Variants in LOC400499 observed in about 807,000 individuals in gnomAD.
the LOC400499 span, among the ~76,000 whole-genome samples, chr16:11,436,296 C>T: frequency 2.6e-5 from 4 of 152,144 alleles, no homozygotes; most frequent in African/African-American, 7.2e-5. Flanking sequence ...GAGTGCCCCA[C>T]GGGAACCAGA....
chr16:11,429,178 G>A, the LOC400499 span, among the ~76,000 whole-genome samples: 21 of 152,126 alleles, frequency 1.4e-4, no homozygotes, highest in Admixed American at 1.4e-3. Context: ...TGGTTGGCCT[G>A]GGAGCGGATT....
At chr16:11,455,753 A>AG in the LOC400499 span, among the ~76,000 whole-genome samples, 1 of 151,134 alleles carries the variant, frequency 6.6e-6, no homozygotes, top group Non-Finnish European at 1.5e-5. Flanking sequence ...AAAAAAAAAA[A>AG]AAAGAAAAAG....
chr16:11,399,156 C>A, the LOC400499 span: 1 of 960,692 alleles, frequency 1.0e-6, no homozygotes, highest in Non-Finnish European at 1.2e-6. Flanking sequence ...CCTGATGCCT[C>A]GGGGAACCGG....
the LOC400499 span, among the ~76,000 whole-genome samples, chr16:11,491,128 T>C: frequency 6.6e-6 from 1 of 152,314 alleles, no homozygotes; most frequent in South Asian, 2.1e-4. Context: ...TCACAAAGGT[T>C]TACTTACTTG....
the LOC400499 span, among the ~76,000 whole-genome samples, chr16:11,431,543 T>C: frequency 1.8e-4 from 28 of 152,108 alleles, no homozygotes; most frequent in Non-Finnish European, 1.2e-4. Flanking sequence ...GTAGCTGGGA[T>C]TACAGGGACC....
chr16:11,492,234 T>C, the LOC400499 span, among the ~76,000 whole-genome samples: 12 of 151,898 alleles, frequency 7.9e-5, no homozygotes, highest in Non-Finnish European at 1.8e-4. Flanking sequence ...TCAATACCTA[T>C]TGGCTTCCTC....
the LOC400499 span, chr16:11,446,905 G>A: frequency 0.041 from 63,331 of 1,534,258 alleles, 1,554 homozygotes; most frequent in Non-Finnish European, 0.049. Context: ...CAGGTGCAAC[G>A]GGTGCCTGGT....
the LOC400499 span, among the ~76,000 whole-genome samples, chr16:11,373,975 T>C: frequency 6.6e-6 from 1 of 152,194 alleles, no homozygotes; most frequent in African/African-American, 2.4e-5. Context: ...ATATGGGGTT[T>C]AGGTGGCCTT....
the LOC400499 span, among the ~76,000 whole-genome samples, chr16:11,492,780 G>A: frequency 1.3e-4 from 13 of 100,974 alleles, no homozygotes; most frequent in East Asian, 5.3e-4. Flanking sequence ...GTGAGACTCC[G>A]TCTCAAAAAA....
the LOC400499 span, among the ~76,000 whole-genome samples, chr16:11,468,436 G>T: frequency 6.6e-6 from 1 of 152,162 alleles, no homozygotes; most frequent in East Asian, 1.9e-4. Flanking sequence ...CAATCCTCTT[G>T]CCTCAGTCTC....
the LOC400499 span, chr16:11,447,806 T>C: frequency 7.8e-7 from 1 of 1,286,230 alleles, no homozygotes; most frequent in African/African-American, 1.5e-5. Flanking sequence ...TTAGGTTCCA[T>C]CTGGGCCCCA....
chr16:11,460,690 G>T, the LOC400499 span: 1 of 1,448,470 alleles, frequency 6.9e-7, no homozygotes, highest in South Asian at 1.4e-5. Context: ...GGAGGGCCCG[G>T]CCCAGCCTGG....
chr16:11,491,215 T>A, the LOC400499 span, among the ~76,000 whole-genome samples: 365 of 152,350 alleles, frequency 2.4e-3, 3 homozygotes, highest in Non-Finnish European at 3.1e-3. Context: ...CTCACCCCAC[T>A]GTGCATTATG....
the LOC400499 span, chr16:11,372,582 C>T: frequency 2.4e-5 from 5 of 207,578 alleles, no homozygotes; most frequent in Admixed American, 6.5e-5. Flanking sequence ...TGCTTCCGTG[C>T]GTTTGCAGCA....
chr16:11,509,283 A>C, the LOC400499 span, among the ~76,000 whole-genome samples: 1 of 151,208 alleles, frequency 6.6e-6, no homozygotes, highest in African/African-American at 2.4e-5. Context: ...ACGCCCGGCT[A>C]ATTTTTTTGT....
At chr16:11,487,124 T>A in the LOC400499 span, 1 of 396,584 alleles carries the variant, frequency 2.5e-6, no homozygotes, top group East Asian at 3.6e-5. Context: ...TATGGGCAGG[T>A]GGGTGACTAG....
At chr16:11,448,017 A>C in the LOC400499 span, 1 of 1,536,002 alleles carries the variant, frequency 6.5e-7, no homozygotes, top group Non-Finnish European at 8.7e-7. Flanking sequence ...GCAGGCCCCG[A>C]GGCTGGCCCT....
At chr16:11,488,116 C>CAAAAAAAA in the LOC400499 span, among the ~76,000 whole-genome samples, 1 of 138,940 alleles carries the variant, frequency 7.2e-6, no homozygotes, top group Non-Finnish European at 1.6e-5. Context: ...TAGTCCATGT[C>CAAAAAAAA]AAAAAAAAAA....
chr16:11,508,013 C>T, the LOC400499 span, among the ~76,000 whole-genome samples: 1 of 152,200 alleles, frequency 6.6e-6, no homozygotes, highest in Admixed American at 6.5e-5. Context: ...TGTAAATTTC[C>T]CTTATTTGGA....
Sources: allele counts gnomAD v4.1 joint callset (sites outside exome capture counted in the v4.1 genomes callset), GRCh38; gene constraint gnomAD v4.1.1; transcripts MANE v1.5.